ARSB: variants seen among roughly 807,000 people sequenced by gnomAD.
ARSB encodes N-acetylgalactosamine-4-sulfatase.
Under a neutral mutation model 50.9 loss-of-function variants are expected in ARSB, and 41 were observed. The observed-to-expected ratio is 0.81, with a 90% CI of 0.63 to 1.04. The LOEUF is 1.04. Among genes scored for constraint, ARSB ranks in the 50% least tolerant of loss-of-function variants. The pLI is 0.00. For synonymous variants in ARSB, 269 were observed against 284.8 expected (o/e 0.94, Z 0.56); for missense variants, 672 against 693.3 (o/e 0.97, Z 0.35).
At chr5:78,972,289 T>C (rs984612423) in intron 1 of ARSB, among the ~76,000 whole-genome samples, 1 of 152,182 alleles carries the variant, frequency 6.6e-6, no homozygotes, top group Non-Finnish European at 1.5e-5. Flanking sequence ...TGGCCCTTCC[T>C]TTCTTCTCTT....
intron 4 of ARSB, among the ~76,000 whole-genome samples, chr5:78,954,005 T>C (rs545337392): frequency 3.2e-4 from 48 of 152,104 alleles, no homozygotes; most frequent in African/African-American, 1.0e-3. Context: ...GAGTTGCTGG[T>C]AATTAACAGA....
rs536497520 is a variant in ARSB, at chr5:78,795,986, G to A, written c.1214-14012C>T. ...TGTGCATAGTAAGTATTCAGAGAAT[G>A]TGCTGGTGTTACAGGGAACTTCAAC... On this transcript the variant is annotated intron_variant, in intron 6 of 7. Transcript: ENST00000264914. Among the ~76,000 whole-genome samples the A allele has an allele frequency of 2.6e-5, 4 of 152,356 alleles. No homozygotes were observed. The South Asian group carries it at 8.3e-4, about 32-fold the overall frequency.
intron 5 of ARSB, among the ~76,000 whole-genome samples, chr5:78,879,053 T>C (rs780879228): frequency 6.6e-6 from 1 of 152,016 alleles, no homozygotes; most frequent in Non-Finnish European, 1.5e-5. Flanking sequence ...AGGGTTTCGC[T>C]ATGTTGCCCA....
At chr5:78,954,115 C>T (rs997871685) in intron 4 of ARSB, among the ~76,000 whole-genome samples, 1 of 151,370 alleles carries the variant, frequency 6.6e-6, no homozygotes, top group Non-Finnish European at 1.5e-5. Context: ...AAAAAAAAAA[C>T]TAGGAAAAAT....
intron 4 of ARSB, among the ~76,000 whole-genome samples, chr5:78,929,404 A>T (rs547279587): frequency 2.8e-4 from 43 of 152,090 alleles, no homozygotes; most frequent in Middle Eastern, 3.4e-3. Context: ...CACACCACAC[A>T]CTTGCCTGAC....
At chr5:78,927,193 A>G (rs1192301930) in intron 4 of ARSB, among the ~76,000 whole-genome samples, 3 of 152,238 alleles carry the variant, frequency 2.0e-5, no homozygotes, top group Admixed American at 2.0e-4. Flanking sequence ...AATATATTTT[A>G]TTCAACCCAA....
intron 6 of ARSB, among the ~76,000 whole-genome samples, chr5:78,825,184 TC>T (rs1006582756): frequency 2.0e-5 from 3 of 152,178 alleles, no homozygotes; most frequent in Non-Finnish European, 4.4e-5. Flanking sequence ...GTTGATGTCA[TC>T]CTTGGAGCTG....
intron 2 of ARSB, among the ~76,000 whole-genome samples, chr5:78,965,919 T>C (rs1752186689): frequency 6.6e-6 from 1 of 152,234 alleles, no homozygotes; most frequent in Non-Finnish European, 1.5e-5. Context: ...TTCTCCTATG[T>C]ATATAATGGA....
intron 2 of ARSB, among the ~76,000 whole-genome samples, chr5:78,966,441 T>C (rs1752209678): frequency 6.6e-6 from 1 of 152,228 alleles, no homozygotes; most frequent in African/African-American, 2.4e-5. Flanking sequence ...ATAATTCACA[T>C]ACCACACAAG....
intron 5 of ARSB, among the ~76,000 whole-genome samples, chr5:78,871,807 T>G (rs1245706769): frequency 7.6e-6 from 1 of 131,670 alleles, no homozygotes; most frequent in African/African-American, 2.6e-5. Context: ...AAAGCCAAAA[T>G]TGACAAATGG....
intron 6 of ARSB, among the ~76,000 whole-genome samples, chr5:78,814,340 C>T (rs973212780): frequency 1.2e-4 from 18 of 151,008 alleles, no homozygotes; most frequent in African/African-American, 4.2e-4. Context: ...TGCACATCTG[C>T]GATCCCTTAT....
Position 78,935,087 on chromosome 5 carries a change from TTGCTCCC to T in ARSB, c.898+20201_898+20207del, listed in dbSNP as rs554025198. Among the ~76,000 whole-genome samples, 24 of 152,242 alleles carry T rather than the reference TTGCTCCC, an allele frequency of 1.6e-4. No individual in the cohort carries two copies. In the South Asian group the frequency reaches 5.0e-3, roughly 32 times the overall value. On this transcript the variant is annotated intron_variant, in intron 4 of 7. Coordinates refer to ENST00000264914, the MANE Select transcript of ARSB (RefSeq NM_000046.5). ...ATGAATTAAAAGCAGAATTTCAACT[TTGCTCCC>T]TCAATAATTAATGGTACAAAAAACT...
chr5:78,821,393 C>T (rs1279649071), intron 6 of ARSB, among the ~76,000 whole-genome samples: 1 of 152,200 alleles, frequency 6.6e-6, no homozygotes, highest in Non-Finnish European at 1.5e-5. Flanking sequence ...CCACCTCAGC[C>T]TCCCAAAGTG....
At chr5:78,939,501 C>T (rs1750795897) in intron 4 of ARSB, among the ~76,000 whole-genome samples, 1 of 151,938 alleles carries the variant, frequency 6.6e-6, no homozygotes, top group South Asian at 2.1e-4. Flanking sequence ...TCTCATTGTT[C>T]AATTCCCACC....
In ARSB at chr5:78,885,446, G is replaced by A. The variant is rs79555942; in HGVS notation, c.1142+138C>T. On this transcript the variant is annotated intron_variant, in intron 5 of 7. Transcript: ENST00000264914. ...TATATATACTTACAATGTCTCTAAA[G>A]GCACTTATTTTTCTTAAAAATCATG... 198,212 of 1,245,536 alleles carry A rather than the reference G, an allele frequency of 0.16. 17,120 individuals carry two copies. Among genetic ancestry groups the A allele is most frequent in the Middle Eastern group, 0.2 (733 of 3,726 alleles). The allele number at this position is 1,245,536 out of a possible 1,614,324, so 77.2% of individuals were successfully genotyped here.
chr5:78,813,648 T>A (rs1743892214), intron 6 of ARSB, among the ~76,000 whole-genome samples: 2 of 152,024 alleles, frequency 1.3e-5, no homozygotes, highest in African/African-American at 4.8e-5. Flanking sequence ...TCCCAGCTAT[T>A]CAGGAGGCTG....
At chr5:78,812,878 T>C (rs941921565) in intron 6 of ARSB, among the ~76,000 whole-genome samples, 1 of 152,084 alleles carries the variant, frequency 6.6e-6, no homozygotes, top group African/African-American at 2.4e-5. Context: ...ATAGTCTCAG[T>C]TACTCAGGAG....
At chr5:78,984,915 G>A (rs1753089500) in intron 1 of ARSB, 22 bp downstream of exon 1, 3 of 1,308,590 alleles carry the variant, frequency 2.3e-6, no homozygotes, top group Non-Finnish European at 2.9e-6. Context: ...GGGGCGGCGC[G>A]GGCGGCGGGG....
chr5:78,985,159 C>G lies in ARSB; in HGVS notation c.90G>C (p.Leu30=). ...CGCCCGAGCCCGGCGGCGCCAACAA[C>G]AGCAGCAGCAGCAGCGGGAGGACGA... ...LPVVLPLLLL[L]LLAPPGSGAG... Residue 30 remains leucine, a synonymous_variant, in exon 1 of 8, where the codon CTG becomes CTC. Coordinates refer to ENST00000264914, the MANE Select transcript of ARSB (RefSeq NM_000046.5). The G allele has an allele frequency of 7.1e-7, 1 of 1,417,474 alleles. No individual in the cohort carries two copies. Among genetic ancestry groups the G allele is most frequent in the South Asian group, 1.5e-5 (1 of 64,656 alleles). 87.8% of individuals were successfully genotyped at this position (1,417,474 alleles called of 1,614,324 possible).
Sources: gnomAD v4.1 joint callset for allele counts (sites outside exome capture counted in the v4.1 genomes callset) on GRCh38, gnomAD v4.1.1 for gene constraint, MANE v1.5 for transcripts, NCBI Gene and HGNC (gene_info 2026-07-23, HGNC 2026-07-21) for gene names.